Variants in STK32B observed in about 807,000 individuals in gnomAD.
The protein encoded by STK32B is serine/threonine kinase 32B.
STK32B carries 43 observed loss-of-function variants against 52.6 expected under a neutral mutation model. The observed-to-expected ratio is 0.82, with a 90% confidence interval of 0.64 to 1.05. The LOEUF is 1.05. Among genes scored for constraint, STK32B ranks in the 50% least tolerant of loss-of-function variants. The probability of loss-of-function intolerance (pLI) is 0.00; values close to 1 mark genes in which losing one functional copy is unlikely to be tolerated. For synonymous variants in STK32B, 238 were observed against 204.3 expected (o/e 1.17, Z -1.41); for missense variants, 621 against 534.6 (o/e 1.16, Z -1.59).
intron 3 of STK32B, among the ~76,000 whole-genome samples, chr4:5,317,073 ATATATT>A (rs1731008799): frequency 2.4e-5 from 1 of 41,608 alleles, no homozygotes; most frequent in African/African-American, 2.4e-4. Flanking sequence ...ATAATATATT[ATATATT>A]ATATATATAA....
intron 3 of STK32B, among the ~76,000 whole-genome samples, chr4:5,225,785 T>C (rs1723827458): frequency 1.3e-5 from 2 of 152,172 alleles, no homozygotes; most frequent in South Asian, 4.1e-4. Context: ...TTTAGAAATA[T>C]TGTAGCACCA....
chr4:5,102,292 T>C (rs1242299258), intron 1 of STK32B, among the ~76,000 whole-genome samples: 3 of 152,106 alleles, frequency 2.0e-5, no homozygotes, highest in Non-Finnish European at 4.4e-5. Flanking sequence ...CACCATGAGC[T>C]CCTCTGAGAG....
the STK32B span, among the ~76,000 whole-genome samples, chr4:5,032,057 T>A: frequency 2.6e-5 from 4 of 152,132 alleles, no homozygotes; most frequent in Non-Finnish European, 5.9e-5. Context: ...ATTAACAGAA[T>A]TGACTTAGCT....
rs1717499638 is a variant in STK32B at position 5,467,083 on chromosome 4, G to C, written c.1041+249G>C. Among the ~76,000 whole-genome samples, 1 of 152,144 alleles carries C rather than the reference G, an allele frequency of 6.6e-6. No homozygotes were observed. The highest frequency in any genetic ancestry group is 2.4e-5 in the African/African-American group (1 of 41,422). On this transcript the variant is annotated intron_variant, in intron 10 of 11. Transcript: ENST00000282908. This position sits in a 1 kb window ranked among gnomAD's most constrained non-coding sequence, Gnocchi z 5.8. ...TTGTGTAGCTCTAAGGCAGGGGGAG[G>C]GACCCAGCGGTCCCACTGCGCCCTT...
intron 3 of STK32B, among the ~76,000 whole-genome samples, chr4:5,223,260 G>T (rs905255715): frequency 6.6e-6 from 1 of 152,182 alleles, no homozygotes; most frequent in Non-Finnish European, 1.5e-5. Flanking sequence ...GAATGTCTCA[G>T]AGTCCTGAGA....
Position 5,400,019 on chromosome 4 carries a change from G to C in STK32B, c.472+1775G>C, listed in dbSNP as rs1002095752. 1.3e-5 allele frequency among the ~76,000 whole-genome samples: 2 copies of C among 152,162 alleles called. No homozygotes were observed. Among genetic ancestry groups the C allele is most frequent in the African/African-American group, 2.4e-5 (1 of 41,426 alleles). ...CTGTCCTATTAAGAGAGACCGCTAGGGGGAGACTTCCTGGCCCTGCAAAGC... is the reference window on the plus strand; with the variant it reads ...CTGTCCTATTAAGAGAGACCGCTAGCGGGAGACTTCCTGGCCCTGCAAAGC... On this transcript the variant is annotated intron_variant, in intron 5 of 11. Coordinates refer to ENST00000282908, the MANE Select transcript of STK32B (RefSeq NM_018401.3). The surrounding 1 kb of genome is among the most constrained non-coding windows in gnomAD (Gnocchi z 6.1).
At chr4:5,355,293 A>G (rs557598678) in intron 4 of STK32B, among the ~76,000 whole-genome samples, 27 of 152,248 alleles carry the variant, frequency 1.8e-4, no homozygotes, top group African/African-American at 4.6e-4. Context: ...TGAGGACCTT[A>G]TATATAAGCC....
Position 5,477,679 on chromosome 4 carries a change from CAG to C in STK32B, c.1106+9612_1106+9613del, listed in dbSNP as rs1380891807. Among the ~76,000 whole-genome samples the C allele has an allele frequency of 7.2e-5, 11 of 152,330 alleles. No homozygotes were observed. In the South Asian group the frequency reaches 2.1e-3, roughly 29 times the overall value. On this transcript the variant is annotated intron_variant, in intron 11 of 11. Transcript: ENST00000282908. ...CCACTCCATATGGCAGTGATCATGA[CAG>C]AGGGAAGAGCCCTCTGGAGAGTTTT... is the stretch of plus-strand genomic sequence containing the variant.
chr4:5,348,169 C>G (rs1169073352), intron 4 of STK32B, among the ~76,000 whole-genome samples: 3 of 152,110 alleles, frequency 2.0e-5, no homozygotes, highest in Non-Finnish European at 4.4e-5. Context: ...AGAGACCCCT[C>G]AGGGGTCCAG....
intron 3 of STK32B, among the ~76,000 whole-genome samples, chr4:5,276,667 C>G (rs995938182): frequency 6.6e-6 from 1 of 151,954 alleles, no homozygotes; most frequent in African/African-American, 2.4e-5. Context: ...TCACGTGTTA[C>G]GAACTGCTGC....
At chr4:5,229,956 A>G (rs1294713104) in intron 3 of STK32B, among the ~76,000 whole-genome samples, 1 of 151,962 alleles carries the variant, frequency 6.6e-6, no homozygotes. Context: ...ATTTTTGAAT[A>G]TGCATGTTTA....
intron 1 of STK32B, among the ~76,000 whole-genome samples, chr4:5,086,735 T>G (rs1712752609): frequency 6.6e-6 from 1 of 152,048 alleles, no homozygotes; most frequent in Admixed American, 6.6e-5. Context: ...TGTAGTAAGA[T>G]TAACAGCTGA....
intron 3 of STK32B, among the ~76,000 whole-genome samples, chr4:5,285,067 G>A (rs967642461): frequency 6.6e-6 from 1 of 152,130 alleles, no homozygotes; most frequent in Non-Finnish European, 1.5e-5. Flanking sequence ...GTACAGTATT[G>A]TAAATATATT....
intron 3 of STK32B, among the ~76,000 whole-genome samples, chr4:5,247,840 T>C (rs1162504862): frequency 6.6e-6 from 1 of 152,214 alleles, no homozygotes; most frequent in East Asian, 1.9e-4. Context: ...TACTGCCCTA[T>C]GTCTGAGTCA....
intron 1 of STK32B, among the ~76,000 whole-genome samples, chr4:5,061,466 A>G (rs1742214448): frequency 6.6e-6 from 1 of 152,070 alleles, no homozygotes; most frequent in South Asian, 2.1e-4. Flanking sequence ...GTCTATTTCC[A>G]TTGTCTATTG....
intron 3 of STK32B, among the ~76,000 whole-genome samples, chr4:5,283,442 A>G (rs914181339): frequency 6.6e-6 from 1 of 152,188 alleles, no homozygotes; most frequent in East Asian, 1.9e-4. Context: ...ATGGCCCCAT[A>G]TTTCCCAAAT....
At chr4:5,328,257 G>A in intron 3 of STK32B, among the ~76,000 whole-genome samples, 1 of 152,192 alleles carries the variant, frequency 6.6e-6, no homozygotes, top group East Asian at 1.9e-4. Flanking sequence ...CATTGGAGTA[G>A]CAATTTTTAT....
chr4:5,126,647 G>A (rs1715380348), intron 1 of STK32B, among the ~76,000 whole-genome samples: 1 of 152,250 alleles, frequency 6.6e-6, no homozygotes, highest in Admixed American at 6.5e-5. Context: ...TAGAATCAGA[G>A]CTGACAGCGC....
intron 3 of STK32B, among the ~76,000 whole-genome samples, chr4:5,170,637 A>G (rs1227440512): frequency 2.6e-5 from 4 of 152,114 alleles, no homozygotes; most frequent in Non-Finnish European, 5.9e-5. Flanking sequence ...AAGGACATGA[A>G]CTCATCATTT....
Sources: allele counts gnomAD v4.1 joint callset (sites outside exome capture counted in the v4.1 genomes callset), GRCh38; gene constraint gnomAD v4.1.1; non-coding constraint Gnocchi (gnomAD v3.1); transcripts MANE v1.5; gene names NCBI Gene and HGNC (gene_info 2026-07-23, HGNC 2026-07-21).